TNIP3: variants seen among roughly 807,000 people sequenced by gnomAD.
The protein encoded by TNIP3 is TNFAIP3-interacting protein 3.
TNIP3 carries 34 observed loss-of-function variants against 54.1 expected under a neutral mutation model. The ratio of observed to expected loss-of-function variants is 0.63; its 90% CI spans 0.48 to 0.84. TNIP3 has a LOEUF of 0.84. TNIP3 is among the 40% of genes least tolerant of loss of function. The probability of loss-of-function intolerance (pLI) is 0.00; values close to 1 mark genes in which losing one functional copy is unlikely to be tolerated. For synonymous variants in TNIP3, 134 were observed against 136.8 expected, an observed-to-expected ratio of 0.98 and a Z score of 0.14; for missense variants, 366 against 387.6, an observed-to-expected ratio of 0.94 and a Z score of 0.47.
At chr4:121,177,160 A>C (rs1724406522) in intron 3 of TNIP3, among the ~76,000 whole-genome samples, 1 of 152,252 alleles carries the variant, frequency 6.6e-6, no homozygotes, top group Non-Finnish European at 1.5e-5. Flanking sequence ...ATTTGAAGAT[A>C]CATGACTGCA....
intron 2 of TNIP3, among the ~76,000 whole-genome samples, chr4:121,196,447 T>C (rs1725590396): frequency 6.6e-6 from 1 of 152,212 alleles, no homozygotes; most frequent in African/African-American, 2.4e-5. Flanking sequence ...TCTAAAGAGC[T>C]AAAATTCTGG....
chr4:121,196,200 A>C (rs1400926426), intron 2 of TNIP3, among the ~76,000 whole-genome samples: 1 of 152,214 alleles, frequency 6.6e-6, no homozygotes, highest in Non-Finnish European at 1.5e-5. Context: ...CATTTTCTGT[A>C]CTCAGAAATA....
intron 2 of TNIP3, among the ~76,000 whole-genome samples, chr4:121,193,515 G>A (rs757302323): frequency 6.6e-6 from 1 of 152,158 alleles, no homozygotes; most frequent in East Asian, 1.9e-4. Flanking sequence ...ACTGATAAGT[G>A]TAGAGAACAT....
chr4:121,161,310 T>A, intron 1 of TNIP3, 94 bp from the exon 2 acceptor site: 16 of 1,052,320 alleles, frequency 1.5e-5, no homozygotes, highest in Non-Finnish European at 2.2e-5. Flanking sequence ...TTTGGCCAAC[T>A]CTCCTGTTGC....
At chr4:121,186,021 T>C (rs1299030228) in intron 2 of TNIP3, among the ~76,000 whole-genome samples, 3 of 152,200 alleles carry the variant, frequency 2.0e-5, no homozygotes, top group Admixed American at 1.3e-4. Flanking sequence ...GCTGGGGCCC[T>C]GCGTCCTCTC....
chr4:121,218,181 T>C (rs1726880418), upstream of TNIP3, among the ~76,000 whole-genome samples: 2 of 152,206 alleles, frequency 1.3e-5, no homozygotes, highest in African/African-American at 2.4e-5. Flanking sequence ...TACAACATCA[T>C]AACACTATAT....
intron 2 of TNIP3, among the ~76,000 whole-genome samples, chr4:121,184,175 C>T (rs59245086): frequency 0.46 from 69,578 of 151,808 alleles, 18,086 homozygotes; most frequent in East Asian, 0.73. Context: ...TTGCCTGACT[C>T]ATCATATCTC....
intron 3 of TNIP3, among the ~76,000 whole-genome samples, chr4:121,158,114 T>C (rs1396913506): frequency 6.6e-6 from 1 of 152,250 alleles, no homozygotes; most frequent in African/African-American, 2.4e-5. Flanking sequence ...AGAATAATTT[T>C]AAATTATAAA....
chr4:121,206,764 T>C (rs1464146616), intron 2 of TNIP3, among the ~76,000 whole-genome samples: 4 of 152,052 alleles, frequency 2.6e-5, no homozygotes, highest in African/African-American at 7.2e-5. Context: ...CAGATGGGGT[T>C]TCACCATGTT....
Position 121,147,128 on chromosome 4 carries a change from T to C in TNIP3, c.656A>G (p.Glu219Gly). Residue 219 changes from glutamate (E) to glycine (G), a missense_variant, in exon 7 of 11, where the codon GAG (glutamate) becomes GGG (glycine). Transcript: ENST00000057513. ...EDFKKERSDR[E>G]RLNQEKEELQ... Reference sequence around the variant, plus strand: ...CTCCTCTTTCTCTTGATTAAGTCTCTCTCGATCCGATCGTTCCTTTTTGAA... The same window carrying C: ...CTCCTCTTTCTCTTGATTAAGTCTCCCTCGATCCGATCGTTCCTTTTTGAA... The C allele has an allele frequency of 6.2e-7, 1 of 1,613,380 alleles. No individual in the cohort carries two copies. Among genetic ancestry groups the C allele is most frequent in the Non-Finnish European group, 8.5e-7 (1 of 1,179,626 alleles).
rs115562936 is a variant in TNIP3 at position 121,152,800 on chromosome 4, T to C, written c.492+1751A>G. 3.3e-3 allele frequency among the ~76,000 whole-genome samples: 507 copies of C among 152,332 alleles called. 3 individuals carry two copies. Among genetic ancestry groups the C allele is most frequent in the African/African-American group, 0.012 (492 of 41,582 alleles). On this transcript the variant is annotated intron_variant, in intron 5 of 10. Transcript: ENST00000057513. ...CAACCCCAAAGTTTATTTTTTCTTC[T>C]AATTTTAAGAGAAATTAAACATAAA...
At chr4:121,215,548 C>T (rs144901760) in intron 2 of TNIP3, among the ~76,000 whole-genome samples, 155 of 152,214 alleles carry the variant, frequency 1.0e-3, no homozygotes, top group Non-Finnish European at 1.9e-3. Context: ...ACTTTCCTAC[C>T]ACCACGTCTT....
intron 3 of TNIP3, among the ~76,000 whole-genome samples, chr4:121,171,755 G>C (rs181932081): frequency 6.6e-6 from 1 of 152,176 alleles, no homozygotes; most frequent in East Asian, 1.9e-4. Flanking sequence ...TTTTGAGATG[G>C]AGTCTCACAC....
At chr4:121,216,296 A>G in intron 2 of TNIP3, 1 of 808,684 alleles carries the variant, frequency 1.2e-6, no homozygotes, top group South Asian at 1.8e-5. Context: ...TATTCTATAT[A>G]GCTCCATTCA....
chr4:121,147,058 C>T lies in TNIP3; in HGVS notation c.726G>A (p.Leu242=), dbSNP rs747052684. 5.0e-6 allele frequency: 8 copies of T among 1,611,146 alleles called. No individual in the cohort carries two copies. Among genetic ancestry groups the T allele is most frequent in the Non-Finnish European group, 5.9e-6 (7 of 1,178,706 alleles). ...NETSQSQLNR[L]NSQIKACQME... is the part of the protein sequence containing the mutation. ...TTGTTTTGACTTGTACCTGGGAATT[C>T]AGCCTGTTCAACTGGGATTGGGAAG... The change falls in exon 7 of 11, where the codon CTG becomes CTA. Residue 242 remains leucine (L), a synonymous_variant. Transcript: ENST00000057513.
chr4:121,142,787 A>G lies in TNIP3; in HGVS notation c.736-11T>C, dbSNP rs772369655. 1 of 1,609,470 alleles carries G rather than the reference A, an allele frequency of 6.2e-7. No homozygotes were observed. The highest frequency in any genetic ancestry group is 1.1e-5 in the South Asian group (1 of 90,792). On this transcript the variant is annotated splice_polypyrimidine_tract_variant and intron_variant, in intron 7 of 10. Coordinates refer to ENST00000057513, the MANE Select transcript of TNIP3 (RefSeq NM_024873.6). ...CTGACAAGCTTTTATCTAAAGACAA[A>G]ACAAAGGCATTTGTTAATCAAGACA...
At chr4:121,154,376 C>T in intron 5 of TNIP3, 175 bp downstream of exon 5, 1 of 781,696 alleles carries the variant, frequency 1.3e-6, no homozygotes, top group Middle Eastern at 2.5e-4. Context: ...CCTCCTTAGC[C>T]AAGTATGACT....
At chr4:121,152,116 G>A (rs6837332) in intron 5 of TNIP3, among the ~76,000 whole-genome samples, 147,598 of 152,286 alleles carry the variant, frequency 0.97, 71,556 homozygotes, top group East Asian at 1. Context: ...TTAATTACAA[G>A]GCTGACATAT....
intron 2 of TNIP3, among the ~76,000 whole-genome samples, chr4:121,210,764 C>A (rs1726438011): frequency 6.6e-6 from 1 of 152,086 alleles, no homozygotes; most frequent in Non-Finnish European, 1.5e-5. Context: ...CCTATTGTAC[C>A]AGAGCCCCAC....
Sources: gnomAD v4.1 joint callset for allele counts (sites outside exome capture counted in the v4.1 genomes callset) on GRCh38, gnomAD v4.1.1 for gene constraint, MANE v1.5 for transcripts, NCBI Gene and HGNC (gene_info 2026-07-23, HGNC 2026-07-21) for gene names.